The following KIF16B variants were observed in gnomAD, a reference collection of about 807,000 sequenced individuals.
KIF16B encodes kinesin family member 16B.
Under a neutral mutation model 156.3 loss-of-function variants are expected in KIF16B, and 98 were observed. That is an observed-to-expected ratio of 0.63 (90% CI 0.53 to 0.74). The LOEUF is 0.74. Ranked by LOEUF, KIF16B falls within the 30% of genes least tolerant of loss-of-function variation. KIF16B has a pLI of 0.00. For missense variants in KIF16B, 1,421 were observed against 1,606.5 expected, an observed-to-expected ratio of 0.88 and a Z score of 1.97; for synonymous variants, 564 against 583.7, an observed-to-expected ratio of 0.97 and a Z score of 0.49.
intron 4 of KIF16B, among the ~76,000 whole-genome samples, chr20:16,514,378 A>G (rs2069062621): frequency 6.6e-6 from 1 of 152,112 alleles, no homozygotes; most frequent in East Asian, 1.9e-4. Flanking sequence ...GGATGTAAGC[A>G]GTGAGGTTAC....
chr20:16,451,593 T>C (rs1368248772), intron 12 of KIF16B, among the ~76,000 whole-genome samples: 1 of 150,744 alleles, frequency 6.6e-6, no homozygotes. Flanking sequence ...CAGAAGAATG[T>C]AGTCAAGTTC....
intron 25 of KIF16B, among the ~76,000 whole-genome samples, chr20:16,302,714 T>C (rs918973051): frequency 2.6e-5 from 4 of 152,184 alleles, no homozygotes; most frequent in Admixed American, 2.6e-4. Context: ...ATAGAGCTTG[T>C]ACATATTTTG....
intron 1 of KIF16B, among the ~76,000 whole-genome samples, chr20:16,539,783 T>C (rs1203297960): frequency 6.6e-6 from 1 of 152,224 alleles, no homozygotes; most frequent in Non-Finnish European, 1.5e-5. Flanking sequence ...AATTCAAATA[T>C]CTTGAAGATG....
chr20:16,423,539 T>C (rs1241628423), intron 15 of KIF16B, among the ~76,000 whole-genome samples: 1 of 152,184 alleles, frequency 6.6e-6, no homozygotes, highest in Non-Finnish European at 1.5e-5. Flanking sequence ...TCTACTCATG[T>C]ATTAATAATG....
intron 12 of KIF16B, among the ~76,000 whole-genome samples, chr20:16,439,375 G>C (rs1335678216): frequency 6.6e-6 from 1 of 152,074 alleles, no homozygotes. Context: ...CACTACAATG[G>C]TTTCCCACAC....
chr20:16,292,300 C>A (rs2063324918), intron 25 of KIF16B, among the ~76,000 whole-genome samples: 1 of 152,140 alleles, frequency 6.6e-6, no homozygotes, highest in Non-Finnish European at 1.5e-5. Context: ...GGAATTGGAA[C>A]AAACTGATGT....
chr20:16,564,680 A>G (rs529253845), intron 1 of KIF16B, among the ~76,000 whole-genome samples: 87 of 151,858 alleles, frequency 5.7e-4, no homozygotes, highest in Non-Finnish European at 1.1e-3. Flanking sequence ...AAAAAAACTG[A>G]AAGAAAAAAA....
Position 16,518,146 on chromosome 20 carries a change from C to G in KIF16B, c.232-2482G>C, listed in dbSNP as rs539225973. Among the ~76,000 whole-genome samples the G allele has an allele frequency of 7.2e-5, 11 of 152,156 alleles. No individual in the cohort carries two copies. In the South Asian group the frequency reaches 8.3e-4, roughly 11 times the overall value. ...GACCCAGGGCTGGCTCAGACTCAGA[C>G]TCATTCTCAGTGAGTCTCAAATAAC... On this transcript the variant is annotated intron_variant, in intron 3 of 25. Transcript: ENST00000354981.
chr20:16,280,849 T>C (rs1277228946), intron 25 of KIF16B, among the ~76,000 whole-genome samples: 1 of 151,844 alleles, frequency 6.6e-6, no homozygotes, highest in African/African-American at 2.4e-5. Flanking sequence ...CACGTGTGTG[T>C]GTGTGTGTGT....
chr20:16,573,100 C>T, intron 1 of KIF16B, 129 bp downstream of exon 1: 1 of 871,906 alleles, frequency 1.1e-6, no homozygotes, highest in Admixed American at 2.2e-5. Context: ...GAGGCCACAG[C>T]CTGGGCCCGG....
At position 16,474,008 on chromosome 20, in the gene KIF16B, C is replaced by T. The variant is rs188750003; in HGVS notation, c.1302+20283G>A. 5.8e-4 allele frequency among the ~76,000 whole-genome samples: 88 copies of T among 152,250 alleles called. 1 individual carries two copies. In the Middle Eastern group the frequency reaches 0.01, roughly 18 times the overall value. ...TTTCCAGCCTTGGCATCTCCTTCCT[C>T]CCTCCCTGCTGCTCCAAGCTCACTC... On this transcript the variant is annotated intron_variant, in intron 12 of 25. Coordinates refer to ENST00000354981, the MANE Select transcript of KIF16B (RefSeq NM_024704.5).
chr20:16,448,957 G>A (rs2067007756), intron 12 of KIF16B, among the ~76,000 whole-genome samples: 1 of 151,316 alleles, frequency 6.6e-6, no homozygotes, highest in African/African-American at 2.4e-5. Context: ...TATATTAGAA[G>A]GAGAAAGAAT....
At chr20:16,276,501 A>G (rs2063063063) in intron 25 of KIF16B, among the ~76,000 whole-genome samples, 1 of 152,258 alleles carries the variant, frequency 6.6e-6, no homozygotes, top group African/African-American at 2.4e-5. Context: ...TTTCTGCTTA[A>G]GGAGAATTAG....
chr20:16,474,345 T>C (rs1241792745), intron 12 of KIF16B, among the ~76,000 whole-genome samples: 1 of 152,206 alleles, frequency 6.6e-6, no homozygotes, highest in African/African-American at 2.4e-5. Context: ...AACGAATTTG[T>C]ACATTGCAGG....
At chr20:16,527,267 G>A (rs542674189) in intron 2 of KIF16B, among the ~76,000 whole-genome samples, 1 of 152,224 alleles carries the variant, frequency 6.6e-6, no homozygotes, top group Non-Finnish European at 1.5e-5. Context: ...GAATGCCTCA[G>A]GCAAAGGACA....
intron 12 of KIF16B, among the ~76,000 whole-genome samples, chr20:16,484,302 A>C (rs73241915): frequency 1.3e-5 from 2 of 152,200 alleles, no homozygotes; most frequent in Non-Finnish European, 1.5e-5. Flanking sequence ...ATCAGTAACA[A>C]CATCAGAGCT....
chr20:16,323,596 T>G (rs927653347), intron 24 of KIF16B, among the ~76,000 whole-genome samples: 1 of 151,966 alleles, frequency 6.6e-6, no homozygotes, highest in Non-Finnish European at 1.5e-5. Context: ...AGCTGGATTA[T>G]GAAGGGAGTG....
chr20:16,549,501 A>G lies in KIF16B; in HGVS notation c.48-21061T>C, dbSNP rs1040810997. 1.1e-4 allele frequency among the ~76,000 whole-genome samples: 17 copies of G among 152,064 alleles called. 1 individual carries two copies. Among genetic ancestry groups the G allele is most frequent in the African/African-American group, 4.1e-4 (17 of 41,466 alleles). On this transcript the variant is annotated intron_variant, in intron 1 of 25. Coordinates refer to ENST00000354981, the MANE Select transcript of KIF16B (RefSeq NM_024704.5). ...TTGTGAATAATGCCGCAATAAACAT[A>G]CGTGTGCATGTGTCTTTATAGCAGC...
chr20:16,280,770 G>C (rs1003362846), intron 25 of KIF16B, among the ~76,000 whole-genome samples: 2 of 152,092 alleles, frequency 1.3e-5, no homozygotes, highest in African/African-American at 2.4e-5. Context: ...CCTTTCTTTG[G>C]GGCTGTCCAT....
Sources: gnomAD v4.1 joint callset for allele counts (sites outside exome capture counted in the v4.1 genomes callset) on GRCh38, gnomAD v4.1.1 for gene constraint, MANE v1.5 for transcripts, NCBI Gene and HGNC (gene_info 2026-07-23, HGNC 2026-07-21) for gene names.